PLPP4: variants seen among roughly 807,000 people sequenced by gnomAD.
PLPP4 encodes the protein phospholipid phosphatase 4, also known as diacylglycerol pyrophosphate like 2.
PLPP4 carries 20 observed loss-of-function variants against 32.2 expected under a neutral mutation model. The observed-to-expected ratio is 0.62, with a 90% confidence interval of 0.44 to 0.90. The LOEUF (loss-of-function observed/expected upper bound fraction) is 0.90. PLPP4 is among the 40% of genes least tolerant of loss of function. The pLI is 0.00. For missense variants in PLPP4, 257 were observed against 353.1 expected (o/e 0.73, Z 2.18); for synonymous variants, 127 against 133.0 (o/e 0.95, Z 0.31).
chr10:120,494,648 A>T (rs1844881274), intron 1 of PLPP4, among the ~76,000 whole-genome samples: 1 of 152,192 alleles, frequency 6.6e-6, no homozygotes, highest in Non-Finnish European at 1.5e-5. Flanking sequence ...TCTACATGCC[A>T]GTCTTCCTTA....
chr10:120,474,062 T>C (rs1484199936), intron 1 of PLPP4, among the ~76,000 whole-genome samples: 5 of 152,162 alleles, frequency 3.3e-5, no homozygotes, highest in African/African-American at 4.8e-5. Flanking sequence ...TTTTTTTCTC[T>C]TCTGCTTTGC....
intron 2 of PLPP4, among the ~76,000 whole-genome samples, chr10:120,511,453 T>C (rs1307147359): frequency 6.6e-6 from 1 of 152,226 alleles, no homozygotes; most frequent in Non-Finnish European, 1.5e-5. Context: ...CCAGCTGGGA[T>C]TGCCTTGAAA....
At chr10:120,518,653 C>A (rs1846028969) in intron 3 of PLPP4, among the ~76,000 whole-genome samples, 180 bp from the exon 4 acceptor site, 1 of 152,228 alleles carries the variant, frequency 6.6e-6, no homozygotes, top group Admixed American at 6.5e-5. Context: ...AAAGTCCTGG[C>A]ATAATTATAT....
At chr10:120,566,329 C>T (rs1434344561) in intron 5 of PLPP4, among the ~76,000 whole-genome samples, 1 of 152,014 alleles carries the variant, frequency 6.6e-6, no homozygotes, top group Non-Finnish European at 1.5e-5. Flanking sequence ...GATATTTTGC[C>T]AATTGCCTGA....
chr10:120,533,420 C>A (rs1037825970), intron 5 of PLPP4, among the ~76,000 whole-genome samples: 6 of 152,036 alleles, frequency 3.9e-5, no homozygotes, highest in African/African-American at 1.4e-4. Context: ...GATACAAGAC[C>A]ATTCTCAAAT....
chr10:120,527,375 A>G (rs866396702), intron 5 of PLPP4, among the ~76,000 whole-genome samples: 6 of 152,122 alleles, frequency 3.9e-5, no homozygotes, highest in Non-Finnish European at 8.8e-5. Context: ...GGGAAACCTC[A>G]ATCTTTACTC....
intron 3 of PLPP4, among the ~76,000 whole-genome samples, chr10:120,515,593 C>T (rs770219929): frequency 3.3e-5 from 5 of 152,184 alleles, no homozygotes; most frequent in Admixed American, 6.5e-5. Context: ...AGGTGTGTAC[C>T]GCAGGCTGCC....
At chr10:120,537,077 G>T (rs565732993) in intron 5 of PLPP4, among the ~76,000 whole-genome samples, 8 of 152,270 alleles carry the variant, frequency 5.3e-5, no homozygotes, top group African/African-American at 1.9e-4. Flanking sequence ...GAGAACCCTT[G>T]TACACTGTTG....
At chr10:120,574,205 C>G (rs895583389) in intron 5 of PLPP4, among the ~76,000 whole-genome samples, 2 of 143,916 alleles carry the variant, frequency 1.4e-5, no homozygotes, top group African/African-American at 5.4e-5. Flanking sequence ...CTCTCTCTCT[C>G]TCTCTCTCTC....
chr10:120,486,392 C>G (rs1350836193), intron 1 of PLPP4, among the ~76,000 whole-genome samples: 1 of 152,022 alleles, frequency 6.6e-6, no homozygotes, highest in African/African-American at 2.4e-5. Flanking sequence ...CTAGTATGAA[C>G]ATGGGCTCTG....
chr10:120,514,114 C>G, intron 3 of PLPP4, 113 bp downstream of exon 3: 1 of 832,088 alleles, frequency 1.2e-6, no homozygotes, highest in Non-Finnish European at 2.1e-6. Context: ...TCAAATTAAG[C>G]TGGGGAGGAA....
At chr10:120,528,653 T>C (rs1846544788) in intron 5 of PLPP4, among the ~76,000 whole-genome samples, 1 of 152,186 alleles carries the variant, frequency 6.6e-6, no homozygotes. Context: ...ACAGTTGTTT[T>C]GCCAAATAAA....
chr10:120,498,246 A>T (rs1295501119), intron 1 of PLPP4, among the ~76,000 whole-genome samples: 3 of 152,138 alleles, frequency 2.0e-5, no homozygotes, highest in Admixed American at 1.3e-4. Context: ...TTTTAGTTTG[A>T]ATCCCTATTA....
At chr10:120,513,213 A>G (rs1461122293) in intron 2 of PLPP4, among the ~76,000 whole-genome samples, 2 of 152,202 alleles carry the variant, frequency 1.3e-5, no homozygotes, top group African/African-American at 4.8e-5. Context: ...CACATCACCT[A>G]GTCCTCAAGC....
In PLPP4 at chr10:120,530,214, G is replaced by A. The variant is rs933696889; in HGVS notation, c.445+9119G>A. On this transcript the variant is annotated intron_variant, in intron 5 of 6. Coordinates refer to ENST00000398250, the MANE Select transcript of PLPP4 (RefSeq NM_001030059.3). The stretch of plus-strand genomic sequence containing the variant: ...TTCAGTTTTTACAAATGGACATACT[G>A]TATAACCCATATTCCTATCACAATA... Among the ~76,000 whole-genome samples, 4 of 152,114 alleles carry A rather than the reference G, an allele frequency of 2.6e-5. No homozygotes were observed. In the East Asian group the frequency reaches 5.8e-4, roughly 22 times the overall value.
In PLPP4 at chr10:120,590,989, G is replaced by A. The variant is rs909689776; in HGVS notation, c.*1487G>A. Among the ~76,000 whole-genome samples, 2 of 151,862 alleles carry A rather than the reference G, an allele frequency of 1.3e-5. No homozygotes were observed. Among genetic ancestry groups the A allele is most frequent in the Non-Finnish European group, 2.9e-5 (2 of 67,978 alleles). ...TCACCACGTTGGCCAGGCTGGTCTC[G>A]GACTCCTAGCCTCAAGTGATCTGCC... On this transcript the variant is annotated 3_prime_UTR_variant, in exon 7 of 7. Coordinates refer to ENST00000398250, the MANE Select transcript of PLPP4 (RefSeq NM_001030059.3).
chr10:120,560,363 G>T (rs1031399088), intron 5 of PLPP4, among the ~76,000 whole-genome samples: 1 of 150,460 alleles, frequency 6.6e-6, no homozygotes, highest in Admixed American at 6.6e-5. Context: ...AAAATCATTT[G>T]TGAAGCTGTC....
At chr10:120,494,243 C>T (rs1432500638) in intron 1 of PLPP4, among the ~76,000 whole-genome samples, 2 of 152,180 alleles carry the variant, frequency 1.3e-5, no homozygotes, top group Non-Finnish European at 2.9e-5. Context: ...TATGTGTACT[C>T]ATCCTCATAA....
chr10:120,464,684 A>G (rs1433186357), intron 1 of PLPP4, among the ~76,000 whole-genome samples: 2 of 152,242 alleles, frequency 1.3e-5, no homozygotes, highest in African/African-American at 4.8e-5. Context: ...GCATAGCTGC[A>G]TTAGATAACA....
Sources: allele counts gnomAD v4.1 joint callset (sites outside exome capture counted in the v4.1 genomes callset), GRCh38; gene constraint gnomAD v4.1.1; transcripts MANE v1.5; gene names NCBI Gene and HGNC (gene_info 2026-07-23, HGNC 2026-07-21).